The following MIR2052HG variants were observed in gnomAD, a reference collection of about 807,000 sequenced individuals.
MIR2052HG encodes MIR2052 host gene.
chr8:74,687,040 C>A (rs1340993195), intron 2 of MIR2052HG, among the ~76,000 whole-genome samples: 1 of 152,052 alleles, frequency 6.6e-6, no homozygotes, highest in African/African-American at 2.4e-5. Flanking sequence ...AAAAGAAGAA[C>A]TTGAGCAGAT....
At chr8:74,721,109 C>A (rs1809573797) in intron 4 of MIR2052HG, among the ~76,000 whole-genome samples, 1 of 152,074 alleles carries the variant, frequency 6.6e-6, no homozygotes, top group Non-Finnish European at 1.5e-5. Flanking sequence ...TAGGGCTGTG[C>A]CTTTGTGCTC....
chr8:74,606,901 GA>G lies in MIR2052HG; in HGVS notation n.129-5945del, dbSNP rs561117570. Among the ~76,000 whole-genome samples the G allele has an allele frequency of 5.0e-3, 753 of 151,140 alleles. 11 individuals are homozygous for G. Among genetic ancestry groups the G allele is most frequent in the African/African-American group, 0.017 (703 of 41,256 alleles). ...AAAAACATAGCTAGTATGTAACAAA[GA>G]AAAAAAGGCAGATAAAATGAAATAA... On this transcript the variant is annotated intron_variant and non_coding_transcript_variant, in intron 1 of 6. Coordinates refer to ENST00000523442, the Ensembl canonical transcript of MIR2052HG.
chr8:74,604,057 C>G (rs1018328112), intron 1 of MIR2052HG: 1 of 960,746 alleles, frequency 1.0e-6, no homozygotes, highest in African/African-American at 1.6e-5. Context: ...ATTAGCAGGT[C>G]CAGCAAAAGT....
chr8:74,705,263 A>G (rs1431985291), intron 4 of MIR2052HG, among the ~76,000 whole-genome samples: 1 of 152,072 alleles, frequency 6.6e-6, no homozygotes, highest in African/African-American at 2.4e-5. Flanking sequence ...GCCAAAACCC[A>G]CTCAGTTAAA....
At chr8:74,742,757 T>C (rs1240561859) in intron 4 of MIR2052HG, among the ~76,000 whole-genome samples, 1 of 152,198 alleles carries the variant, frequency 6.6e-6, no homozygotes, top group Non-Finnish European at 1.5e-5. Context: ...TCTAGGTGTC[T>C]TTGCTGTGGT....
chr8:74,631,954 A>G (rs1015851485), intron 2 of MIR2052HG, among the ~76,000 whole-genome samples: 2 of 152,182 alleles, frequency 1.3e-5, no homozygotes, highest in African/African-American at 4.8e-5. Context: ...TTCCCCAAAG[A>G]TCCCACCTCT....
intron 2 of MIR2052HG, among the ~76,000 whole-genome samples, chr8:74,658,691 A>T (rs868521735): frequency 1.3e-5 from 2 of 152,088 alleles, no homozygotes; most frequent in Non-Finnish European, 2.9e-5. Context: ...GGCCCTGTTG[A>T]TGTTCCTTGA....
At chr8:74,601,801 C>T (rs924545293) in intron 1 of MIR2052HG, among the ~76,000 whole-genome samples, 4 of 152,030 alleles carry the variant, frequency 2.6e-5, no homozygotes, top group African/African-American at 4.8e-5. Context: ...TTACTAATAC[C>T]AGATTCTGAC....
Position 74,602,873 on chromosome 8 carries a change from C to CTTTCTTTCTTTT in MIR2052HG, n.128+2968_128+2969insCTTTCTTTTTTT, listed in dbSNP as rs940052573. Among the ~76,000 whole-genome samples the CTTTCTTTCTTTT allele has an allele frequency of 9.5e-4, 132 of 138,790 alleles. 1 individual carries two copies. Among genetic ancestry groups the CTTTCTTTCTTTT allele is most frequent in the African/African-American group, 3.5e-3 (129 of 36,710 alleles). 91.1% of individuals were successfully genotyped at this position (138,790 alleles called of 152,430 possible). A position where few individuals can be genotyped will look rare whatever the true frequency, so the allele number is the denominator to read the frequency against. Reference sequence around the variant, plus strand: ...TCTTTCTTTCTTTCTTTCTTTCTTTCTTTTTTCTATTCACAAAGAAAAAGC... The same window carrying CTTTCTTTCTTTT: ...TCTTTCTTTCTTTCTTTCTTTCTTTCTTTCTTTCTTTTTTTTTTCTATTCACAAAGAAAAAGC... On this transcript the variant is annotated intron_variant and non_coding_transcript_variant, in intron 1 of 6. Coordinates refer to ENST00000523442, the Ensembl canonical transcript of MIR2052HG.
At chr8:74,677,878 T>C (rs746892159) in intron 2 of MIR2052HG, among the ~76,000 whole-genome samples, 2 of 151,974 alleles carry the variant, frequency 1.3e-5, no homozygotes, top group Non-Finnish European at 2.9e-5. Flanking sequence ...TAAAAGACAA[T>C]TTGAACAAAA....
intron 2 of MIR2052HG, among the ~76,000 whole-genome samples, chr8:74,654,608 G>A (rs1275680752): frequency 6.6e-6 from 1 of 152,110 alleles, no homozygotes; most frequent in Non-Finnish European, 1.5e-5. Flanking sequence ...CCGCTGTTAT[G>A]TAAGGAGTAC....
At chr8:74,631,404 T>C (rs1808509499) in intron 2 of MIR2052HG, among the ~76,000 whole-genome samples, 1 of 152,228 alleles carries the variant, frequency 6.6e-6, no homozygotes, top group Admixed American at 6.5e-5. Flanking sequence ...CTATCCTTTT[T>C]TCTGAAAGCT....
chr8:74,751,724 G>A (rs1383680963), intron 4 of MIR2052HG, among the ~76,000 whole-genome samples: 3 of 152,192 alleles, frequency 2.0e-5, no homozygotes, highest in Non-Finnish European at 2.9e-5. Flanking sequence ...AAAATGAACT[G>A]TAAGAACTTG....
chr8:74,619,087 C>T (rs1419302152), intron 2 of MIR2052HG, among the ~76,000 whole-genome samples: 1 of 152,140 alleles, frequency 6.6e-6, no homozygotes, highest in African/African-American at 2.4e-5. Flanking sequence ...AAGATCTGTA[C>T]ACTGCAAATT....
At chr8:74,687,614 A>G (rs1809196069) in intron 2 of MIR2052HG, among the ~76,000 whole-genome samples, 2 of 152,270 alleles carry the variant, frequency 1.3e-5, no homozygotes, top group Admixed American at 6.5e-5. Flanking sequence ...TTCTGCTTAC[A>G]TGAGATATCT....
chr8:74,751,493 C>T (rs542124209), intron 4 of MIR2052HG, among the ~76,000 whole-genome samples: 27 of 152,282 alleles, frequency 1.8e-4, no homozygotes, highest in Non-Finnish European at 2.9e-5. Context: ...ACACATAAGA[C>T]AAGTTTACGT....
chr8:74,617,982 A>G (rs182395028), intron 2 of MIR2052HG, among the ~76,000 whole-genome samples: 5 of 152,180 alleles, frequency 3.3e-5, no homozygotes, highest in East Asian at 1.9e-4. Flanking sequence ...TGATTCTTCT[A>G]CCTTTCTGGC....
intron 4 of MIR2052HG, among the ~76,000 whole-genome samples, chr8:74,743,515 C>G (rs1809852997): frequency 6.6e-6 from 1 of 152,146 alleles, no homozygotes; most frequent in South Asian, 2.1e-4. Flanking sequence ...ATCTGAGAGT[C>G]TTTCATAAAA....
chr8:74,617,500 C>T (rs1808302159), intron 2 of MIR2052HG, among the ~76,000 whole-genome samples: 1 of 150,242 alleles, frequency 6.7e-6, no homozygotes, highest in South Asian at 2.1e-4. Flanking sequence ...TACATACATA[C>T]ATATATGCAC....
Sources: gnomAD v4.1 joint callset for allele counts (sites outside exome capture counted in the v4.1 genomes callset) on GRCh38, gnomAD v4.1.1 for gene constraint, MANE v1.5 for transcripts, NCBI Gene and HGNC (gene_info 2026-07-23, HGNC 2026-07-21) for gene names.